Variants in L3MBTL2 observed in about 807,000 individuals in gnomAD.
L3MBTL2 encodes lethal(3)malignant brain tumor-like protein 2.
A neutral mutation model predicts 86.4 loss-of-function variants in L3MBTL2; 49 were observed. The observed-to-expected ratio is 0.57, with a 90% CI of 0.45 to 0.72. L3MBTL2 has a LOEUF of 0.72. L3MBTL2 is among the 30% of genes least tolerant of loss of function. The pLI is 0.00. For missense variants in L3MBTL2, 755 were observed against 923.7 expected, an observed-to-expected ratio of 0.82 and a Z score of 2.37; for synonymous variants, 336 against 350.6, an observed-to-expected ratio of 0.96 and a Z score of 0.47.
At position 41,230,230 on chromosome 22, in the gene L3MBTL2, C is replaced by T; in HGVS notation, c.2097C>T (p.Ile699=). Residue 699 remains isoleucine, a synonymous_variant, in exon 17 of 17, where the codon ATC becomes ATT. Transcript: ENST00000216237. Reference sequence around the variant, plus strand: ...AGCTGCCTGTCTCCGTCGAGAACATCAAGCAGGAAACAGACGACTGAGCCT... The same window carrying T: ...AGCTGCCTGTCTCCGTCGAGAACATTAAGCAGGAAACAGACGACTGAGCCT... ...SPELPVSVEN[I]KQETDD is the part of the protein sequence containing the mutation. The T allele has an allele frequency of 6.2e-7, 1 of 1,610,270 alleles. No homozygotes were observed. Among genetic ancestry groups the T allele is most frequent in the Non-Finnish European group, 8.5e-7 (1 of 1,177,698 alleles).
At position 41,217,149 on chromosome 22, in the gene L3MBTL2, A is replaced by T. The variant is rs1187327342; in HGVS notation, c.547A>T (p.Lys183Ter). ...DALVLGFDWG[K>*]FLKDHSYKAA... The stretch of plus-strand genomic sequence containing the variant: ...TCTGGTCTTGGGCTTCGACTGGGGG[A>T]AGTTCCTGAAGGATCACAGTTACAA... The change falls in exon 5 of 17, where the codon AAG (lysine) becomes TAG (stop). Residue 183 changes from lysine to a stop codon, truncating the protein, a stop_gained. Coordinates refer to ENST00000216237, the MANE Select transcript of L3MBTL2 (RefSeq NM_031488.5). LOFTEE classifies it high-confidence loss of function. 6.2e-7 allele frequency: 1 copy of T among 1,613,810 alleles called. No homozygotes were observed. The highest frequency in any genetic ancestry group is 8.5e-7 in the Non-Finnish European group (1 of 1,179,952).
At chr22:41,223,957 A>C (rs1601528806) in intron 8 of L3MBTL2, 63 bp from the exon 9 acceptor site, 1 of 1,296,064 alleles carries the variant, frequency 7.7e-7, no homozygotes, top group Middle Eastern at 1.8e-4. Flanking sequence ...CACTCACCAG[A>C]GCAGGAGGGT....
intron 16 of L3MBTL2, 72 bp downstream of exon 16, chr22:41,229,728 C>T: frequency 1.2e-6 from 2 of 1,611,312 alleles, no homozygotes; most frequent in Non-Finnish European, 8.5e-7. Flanking sequence ...TCTCCTTCCC[C>T]ACCTGGGCAC....
At chr22:41,208,167 T>C in intron 1 of L3MBTL2, 4 of 269,838 alleles carry the variant, frequency 1.5e-5, no homozygotes, top group South Asian at 1.2e-4. Flanking sequence ...GATGTCATTC[T>C]CTTGCCCAGG....
At chr22:41,208,341 G>C (rs1320838718) in intron 1 of L3MBTL2, 1 of 445,498 alleles carries the variant, frequency 2.2e-6, no homozygotes, top group African/African-American at 2.0e-5. Flanking sequence ...TGTTGCCAAG[G>C]CTGGTCTCAA....
chr22:41,227,693 T>G lies in L3MBTL2; in HGVS notation c.1823-111T>G. 6.3e-7 allele frequency: 1 copy of G among 1,592,836 alleles called. No individual in the cohort carries two copies. Among genetic ancestry groups the G allele is most frequent in the Non-Finnish European group, 8.6e-7 (1 of 1,168,910 alleles). On this transcript the variant is annotated intron_variant, in intron 14 of 16. Coordinates refer to ENST00000216237, the MANE Select transcript of L3MBTL2 (RefSeq NM_031488.5). The surrounding 1 kb of genome is among the most constrained non-coding windows in gnomAD (Gnocchi z 6.0). ...CTCATTGCCCAGGTTTGGCTTCCTG[T>G]CTTGGGGTGTCTCGTGTGGGAGGGT... is the stretch of plus-strand genomic sequence containing the variant.
chr22:41,217,348 T>C, intron 5 of L3MBTL2, 146 bp downstream of exon 5: 1 of 619,984 alleles, frequency 1.6e-6, no homozygotes, highest in Non-Finnish European at 2.9e-6. Context: ...CTCGCTCCAT[T>C]TCATGTTTAT....
Position 41,225,197 on chromosome 22 carries a change from C to G in L3MBTL2, c.1356+126C>G. The stretch of plus-strand genomic sequence containing the variant: ...CCCAGCCTCTCATCACTGGCTGCAC[C>G]CAGAGTCCCTGACTTTTGTGAGTGG... On this transcript the variant is annotated intron_variant, in intron 11 of 16. Transcript: ENST00000216237. The surrounding 1 kb of genome is among the most constrained non-coding windows in gnomAD (Gnocchi z 4.1). The G allele has an allele frequency of 1.4e-6, 1 of 723,804 alleles. No individual in the cohort carries two copies. The highest frequency in any genetic ancestry group is 2.3e-6 in the Non-Finnish European group (1 of 441,790). The allele number at this position is 723,804 out of a possible 1,614,324, so 44.8% of individuals were successfully genotyped here. A position where few individuals can be genotyped will look rare whatever the true frequency, so the allele number is the denominator to read the frequency against.
chr22:41,213,863 G>A (rs1405814294), intron 2 of L3MBTL2, 30 bp from the exon 3 acceptor site: 2 of 1,613,002 alleles, frequency 1.2e-6, no homozygotes, highest in Non-Finnish European at 1.7e-6. Context: ...GGTCATATCG[G>A]GTGAGTCATG....
chr22:41,230,015 G>A (rs2032474786), intron 16 of L3MBTL2, 124 bp from the exon 17 acceptor site: 1 of 737,286 alleles, frequency 1.4e-6, no homozygotes, highest in Non-Finnish European at 2.3e-6. Flanking sequence ...AAGGGAAGCT[G>A]GAGGGTGAAG....
Position 41,227,940 on chromosome 22 carries a change from G to T in L3MBTL2, c.1888+71G>T. The T allele has an allele frequency of 6.4e-7, 1 of 1,571,548 alleles. No individual in the cohort carries two copies. The highest frequency in any genetic ancestry group is 8.6e-7 in the Non-Finnish European group (1 of 1,158,598). On this transcript the variant is annotated intron_variant, in intron 15 of 16. Transcript: ENST00000216237. This position sits in a 1 kb window ranked among gnomAD's most constrained non-coding sequence, Gnocchi z 6.0. ...AGTGGGCCTGCGTCCCTGGGAGCAG[G>T]CGGGGGTCAGCCCCCAGGCACTGGT...
At chr22:41,210,147 T>A in intron 2 of L3MBTL2, 3 of 378,074 alleles carry the variant, frequency 7.9e-6, no homozygotes, top group Non-Finnish European at 9.0e-6. Flanking sequence ...TAATTTCTTT[T>A]TTTTTTTTTT....
intron 15 of L3MBTL2, among the ~76,000 whole-genome samples, chr22:41,229,338 G>A (rs1188422782): frequency 6.6e-6 from 1 of 152,156 alleles, no homozygotes; most frequent in Non-Finnish European, 1.5e-5. Flanking sequence ...GGAGGTGGTG[G>A]TATTACTTCC....
At position 41,224,922 on chromosome 22, in the gene L3MBTL2, C is replaced by T. The variant is rs980460114; in HGVS notation, c.1252-45C>T. 1.3e-6 allele frequency: 2 copies of T among 1,586,124 alleles called. No homozygotes were observed. The highest frequency in any genetic ancestry group is 1.7e-6 in the Non-Finnish European group (2 of 1,156,032). ...CTGAGGCCTGCTTCCCTCACCCTTC[C>T]TCCTGGCCTGCCCAGGGAGTCCCCA... On this transcript the variant is annotated intron_variant, in intron 10 of 16. Coordinates refer to ENST00000216237, the MANE Select transcript of L3MBTL2 (RefSeq NM_031488.5). The surrounding 1 kb of genome is among the most constrained non-coding windows in gnomAD (Gnocchi z 4.9).
intron 5 of L3MBTL2, 115 bp downstream of exon 5, chr22:41,217,317 AG>A: frequency 1.3e-6 from 1 of 743,582 alleles, no homozygotes; most frequent in Non-Finnish European, 2.3e-6. Context: ...AGGTCTGGGC[AG>A]GAGACGGATG....
intron 13 of L3MBTL2, 121 bp from the exon 14 acceptor site, chr22:41,226,968 C>T: frequency 1.1e-6 from 1 of 881,878 alleles, no homozygotes. Flanking sequence ...AGGAAGCTGC[C>T]CCAGCAGCCA....
At position 41,210,140 on chromosome 22, in the gene L3MBTL2, T is replaced by C. The variant is rs2030609350; in HGVS notation, c.262+207T>C. On this transcript the variant is annotated intron_variant, in intron 2 of 16. Coordinates refer to ENST00000216237, the MANE Select transcript of L3MBTL2 (RefSeq NM_031488.5). Reference sequence around the variant, plus strand: ...GTTAACTTCCTTTGCTGAAGTCTAATTTCTTTTTTTTTTTTTTTTTTTTTT... The same window carrying C: ...GTTAACTTCCTTTGCTGAAGTCTAACTTCTTTTTTTTTTTTTTTTTTTTTT... 13 of 421,130 alleles carry C rather than the reference T, an allele frequency of 3.1e-5. No homozygotes were observed. The South Asian group carries it at 5.8e-4, about 19-fold the overall frequency. The allele number at this position is 421,130 out of a possible 1,614,324, so 26.1% of individuals were successfully genotyped here.
At position 41,225,008 on chromosome 22, in the gene L3MBTL2, G is replaced by C. The variant is rs764270215; in HGVS notation, c.1293G>C (p.Gly431=). 3.7e-6 allele frequency: 6 copies of C among 1,614,076 alleles called. No homozygotes were observed. In the South Asian group the frequency reaches 5.5e-5, roughly 15 times the overall value. ...VYTEGGWFEE[G]MKLEAIDPLN... is the part of the protein sequence containing the mutation. ...CAGAAGGCGGTTGGTTTGAGGAAGG[G>C]ATGAAGCTGGAGGCCATTGACCCCC... The change falls in exon 11 of 17, where the codon GGG becomes GGC. Residue 431 remains glycine (G), a synonymous_variant. Transcript: ENST00000216237. The surrounding 1 kb of genome is among the most constrained non-coding windows in gnomAD (Gnocchi z 4.1).
In L3MBTL2 at chr22:41,209,875, G is replaced by T; in HGVS notation, c.204G>T (p.Pro68=). 6.2e-7 allele frequency: 1 copy of T among 1,614,076 alleles called. No homozygotes were observed. Among genetic ancestry groups the T allele is most frequent in the South Asian group, 1.1e-5 (1 of 91,084 alleles). The part of the protein sequence containing the change: ...DREAGELPTS[P]LHLLSPGTPR... ...AAGCAGGGGAACTGCCGACCTCCCC[G>T]CTGCATTTGCTCAGCCCTGGGACTC... The change falls in exon 2 of 17, where the codon CCG becomes CCT. Residue 68 remains proline, a synonymous_variant. Transcript: ENST00000216237.
Sources: allele counts gnomAD v4.1 joint callset (sites outside exome capture counted in the v4.1 genomes callset), GRCh38; gene constraint gnomAD v4.1.1; non-coding constraint Gnocchi (gnomAD v3.1); transcripts MANE v1.5; gene names NCBI Gene and HGNC (gene_info 2026-07-23, HGNC 2026-07-21).